Variants in CDH12 observed in about 807,000 individuals in gnomAD.
CDH12 encodes cadherin-12.
CDH12 carries 41 observed loss-of-function variants against 74.1 expected under a neutral mutation model. The observed-to-expected ratio is 0.55, with a 90% confidence interval of 0.43 to 0.72. CDH12 has a LOEUF of 0.72. Ranked by LOEUF, CDH12 falls within the 30% of genes least tolerant of loss-of-function variation. CDH12 has a pLI of 0.00. For synonymous variants in CDH12, 399 were observed against 355.0 expected, an observed-to-expected ratio of 1.12 and a Z score of -1.39; for missense variants, 945 against 977.2, an observed-to-expected ratio of 0.97 and a Z score of 0.44.
chr5:21,889,332 A>G (rs1752790113), intron 6 of CDH12, among the ~76,000 whole-genome samples: 1 of 152,056 alleles, frequency 6.6e-6, no homozygotes, highest in Non-Finnish European at 1.5e-5. Flanking sequence ...GAGAAGGGAG[A>G]TGTGGTATCT....
chr5:22,472,780 T>A (rs1010835483), intron 2 of CDH12, among the ~76,000 whole-genome samples: 1 of 152,154 alleles, frequency 6.6e-6, no homozygotes, highest in African/African-American at 2.4e-5. Flanking sequence ...TATCTTGAAC[T>A]GCTATTGAGA....
intron 1 of CDH12, among the ~76,000 whole-genome samples, chr5:22,566,059 TG>T (rs1025333194): frequency 1.3e-5 from 2 of 152,172 alleles, no homozygotes; most frequent in African/African-American, 4.8e-5. Flanking sequence ...AATTGATGTC[TG>T]AAGTATGTTA....
At chr5:22,825,246 G>A (rs1344630676) in intron 1 of CDH12, among the ~76,000 whole-genome samples, 1 of 151,848 alleles carries the variant, frequency 6.6e-6, no homozygotes, top group Non-Finnish European at 1.5e-5. Context: ...GTGTACATTT[G>A]TACAAATGTA....
intron 1 of CDH12, among the ~76,000 whole-genome samples, chr5:22,520,991 CT>C (rs35764441): frequency 0.17 from 24,342 of 144,816 alleles, 2,501 homozygotes; most frequent in East Asian, 0.37. Flanking sequence ...TTCTTTCTTT[CT>C]TTTTTTTTTT....
At chr5:22,779,102 G>T (rs1278914553) in intron 1 of CDH12, among the ~76,000 whole-genome samples, 1 of 151,962 alleles carries the variant, frequency 6.6e-6, no homozygotes, top group Non-Finnish European at 1.5e-5. Flanking sequence ...TTTTAATGAT[G>T]TATATTTGCT....
chr5:22,053,636 T>A (rs1055457916), intron 5 of CDH12, among the ~76,000 whole-genome samples: 3 of 152,088 alleles, frequency 2.0e-5, no homozygotes, highest in Non-Finnish European at 4.4e-5. Flanking sequence ...CTTATCTTTA[T>A]CAGGCAGAAG....
chr5:22,747,645 T>C (rs1580955642), intron 1 of CDH12, among the ~76,000 whole-genome samples: 1 of 146,698 alleles, frequency 6.8e-6, no homozygotes, highest in African/African-American at 2.5e-5. Context: ...GAAAAAAAAG[T>C]AGTAAATAAT....
At chr5:22,180,538 A>C (rs964778853) in intron 4 of CDH12, among the ~76,000 whole-genome samples, 1 of 150,076 alleles carries the variant, frequency 6.7e-6, no homozygotes, top group Non-Finnish European at 1.5e-5. Context: ...TTTGAGACGG[A>C]GTTTCACTTT....
chr5:22,230,164 G>T (rs754907786), intron 3 of CDH12, among the ~76,000 whole-genome samples: 5 of 151,986 alleles, frequency 3.3e-5, no homozygotes, highest in Non-Finnish European at 5.9e-5. Flanking sequence ...CCCTACATCT[G>T]CCCACTCCCC....
At chr5:22,434,438 T>C (rs1366628109) in intron 2 of CDH12, among the ~76,000 whole-genome samples, 2 of 152,160 alleles carry the variant, frequency 1.3e-5, no homozygotes, top group Non-Finnish European at 2.9e-5. Flanking sequence ...TTCCCCATTT[T>C]GCATTGAGTT....
intron 1 of CDH12, among the ~76,000 whole-genome samples, chr5:22,622,311 C>A (rs943106597): frequency 6.8e-6 from 1 of 147,534 alleles, no homozygotes; most frequent in Non-Finnish European, 1.5e-5. Context: ...ATAGGGACAT[C>A]AGGAAGATTG....
At chr5:22,512,753 A>C (rs182849598) in intron 1 of CDH12, among the ~76,000 whole-genome samples, 1 of 152,208 alleles carries the variant, frequency 6.6e-6, no homozygotes, top group African/African-American at 2.4e-5. Flanking sequence ...TAAATGTGTG[A>C]GATGTTACTA....
chr5:22,322,379 C>T (rs1400654655), intron 3 of CDH12, among the ~76,000 whole-genome samples: 1 of 131,512 alleles, frequency 7.6e-6, no homozygotes, highest in Non-Finnish European at 1.6e-5. Flanking sequence ...AAAAAAAAAA[C>T]ATGGTAATCT....
intron 1 of CDH12, among the ~76,000 whole-genome samples, chr5:22,650,315 T>C (rs1739668915): frequency 6.6e-6 from 1 of 152,048 alleles, no homozygotes; most frequent in Non-Finnish European, 1.5e-5. Flanking sequence ...GGCTTGCTCT[T>C]CTTAGTTTTA....
rs191843935 is a variant in CDH12, at chr5:21,996,639, C to T, written c.232-21254G>A. Among the ~76,000 whole-genome samples, 638 of 152,188 alleles carry T rather than the reference C, an allele frequency of 4.2e-3. 1 individual carries two copies. Among genetic ancestry groups the T allele is most frequent in the Non-Finnish European group, 7.0e-3 (478 of 68,026 alleles). On this transcript the variant is annotated intron_variant, in intron 5 of 14. Coordinates refer to ENST00000382254, the MANE Select transcript of CDH12 (RefSeq NM_004061.5). ...ACCTGCTGCTGTTTGGGCTAGATGG[C>T]TCATTATAGGGGCCTTTTAATGTTT...
chr5:22,797,358 T>G (rs1303007040), intron 1 of CDH12, among the ~76,000 whole-genome samples: 1 of 152,118 alleles, frequency 6.6e-6, no homozygotes, highest in Non-Finnish European at 1.5e-5. Flanking sequence ...AAATTAGTCT[T>G]GTTTGTAAGC....
rs574795376 is a variant in CDH12, at chr5:21,916,242, A to G, written c.526+58849T>C. Reference sequence around the variant, plus strand: ...CAAGCCATATAGCCACATACATAAAACTATCTTTGTCTCCCATAAACTTGG... The same window carrying G: ...CAAGCCATATAGCCACATACATAAAGCTATCTTTGTCTCCCATAAACTTGG... On this transcript the variant is annotated intron_variant, in intron 6 of 14. Coordinates refer to ENST00000382254, the MANE Select transcript of CDH12 (RefSeq NM_004061.5). Among the ~76,000 whole-genome samples the G allele has an allele frequency of 6.6e-5, 10 of 152,260 alleles. No individual in the cohort carries two copies. The South Asian group carries it at 1.9e-3, about 28-fold the overall frequency.
chr5:22,126,143 AC>A (rs1272756920), intron 4 of CDH12, among the ~76,000 whole-genome samples: 5 of 152,146 alleles, frequency 3.3e-5, no homozygotes, highest in African/African-American at 1.2e-4. Context: ...ATATATAAGT[AC>A]ACATGTATTA....
intron 1 of CDH12, among the ~76,000 whole-genome samples, chr5:22,734,212 A>C (rs745433757): frequency 3.3e-5 from 5 of 151,982 alleles, no homozygotes; most frequent in African/African-American, 7.2e-5. Flanking sequence ...TGTATTCAAG[A>C]ACAGTATTCA....
Sources: allele counts gnomAD v4.1 joint callset (sites outside exome capture counted in the v4.1 genomes callset), GRCh38; gene constraint gnomAD v4.1.1; transcripts MANE v1.5; gene names NCBI Gene and HGNC (gene_info 2026-07-23, HGNC 2026-07-21).